Variants in PKP1 observed in about 807,000 individuals in gnomAD.
The protein encoded by PKP1 is plakophilin-1.
PKP1 carries 27 observed loss-of-function variants against 76.4 expected under a neutral mutation model. The observed-to-expected ratio is 0.35, with a 90% CI of 0.26 to 0.49. The LOEUF (loss-of-function observed/expected upper bound fraction) is 0.49. Among genes scored for constraint, PKP1 ranks in the 20% least tolerant of loss-of-function variants. The pLI, the probability that PKP1 is intolerant of heterozygous loss-of-function variation, is 0.99. For synonymous variants in PKP1, 404 were observed against 384.2 expected, an observed-to-expected ratio of 1.05 and a Z score of -0.60; for missense variants, 964 against 955.2, an observed-to-expected ratio of 1.01 and a Z score of -0.12.
intron 1 of PKP1, among the ~76,000 whole-genome samples, chr1:201,290,083 T>C (rs984389717): frequency 3.9e-5 from 6 of 152,104 alleles, no homozygotes; most frequent in Non-Finnish European, 8.8e-5. Context: ...GTTGCACCGA[T>C]GACACAAGAA....
chr1:201,300,003 C>G (rs1273938060), intron 2 of PKP1, among the ~76,000 whole-genome samples: 1 of 152,214 alleles, frequency 6.6e-6, no homozygotes, highest in East Asian at 1.9e-4. Context: ...GATCCTGCTC[C>G]AAGAGGGAGC....
intron 12 of PKP1, 133 bp from the exon 13 acceptor site, chr1:201,328,629 G>T (rs1571566841): frequency 5.0e-6 from 4 of 794,722 alleles, no homozygotes; most frequent in African/African-American, 1.7e-5. Context: ...TTTTCGCCCT[G>T]ACACATGTAC....
intron 1 of PKP1, among the ~76,000 whole-genome samples, chr1:201,290,431 C>G (rs756857674): frequency 2.0e-5 from 3 of 151,964 alleles, no homozygotes; most frequent in Non-Finnish European, 2.9e-5. Context: ...AAAGCAGATG[C>G]TTAGCTGGAG....
At chr1:201,320,405 C>T (rs961806610) in intron 7 of PKP1, 24 bp downstream of exon 7, 1 of 1,475,398 alleles carries the variant, frequency 6.8e-7, no homozygotes, top group Admixed American at 1.7e-5. Flanking sequence ...CTGGTGGCAC[C>T]CTGACCCCTA....
chr1:201,322,297 G>A (rs1053290079), intron 8 of PKP1, among the ~76,000 whole-genome samples, 164 bp downstream of exon 8: 1 of 152,194 alleles, frequency 6.6e-6, no homozygotes, highest in Admixed American at 6.5e-5. Context: ...CACTCTGGGA[G>A]CTGGGTAGAG....
chr1:201,293,793 G>T, intron 1 of PKP1, 149 bp from the exon 2 acceptor site: 1 of 693,784 alleles, frequency 1.4e-6, no homozygotes, highest in Non-Finnish European at 2.7e-6. Context: ...GATAGATGGA[G>T]ATGACATTCC....
At chr1:201,320,626 C>G (rs1656911442) in intron 7 of PKP1, among the ~76,000 whole-genome samples, 1 of 152,218 alleles carries the variant, frequency 6.6e-6, no homozygotes, top group Non-Finnish European at 1.5e-5. Flanking sequence ...CTCTCTGTTT[C>G]CCGGTTCACT....
At chr1:201,312,723 G>T (rs1406065817) in intron 2 of PKP1, among the ~76,000 whole-genome samples, 6 of 152,164 alleles carry the variant, frequency 3.9e-5, no homozygotes, top group African/African-American at 1.4e-4. Flanking sequence ...CTAGCATGGG[G>T]CTCTGATACT....
At chr1:201,325,907 T>C (rs1326837259) in intron 12 of PKP1, 69 bp downstream of exon 12, 5 of 1,171,534 alleles carry the variant, frequency 4.3e-6, no homozygotes, top group African/African-American at 1.5e-5. Context: ...TGGCATATGC[T>C]GGGCTCTGGG....
At position 201,313,192 on chromosome 1, in the gene PKP1, G is replaced by A; in HGVS notation, c.333G>A (p.Glu111=). The A allele has an allele frequency of 1.2e-6, 2 of 1,608,614 alleles. No homozygotes were observed. Among genetic ancestry groups the A allele is most frequent in the Non-Finnish European group, 1.7e-6 (2 of 1,177,956 alleles). Residue 111 remains glutamate, a synonymous_variant, in exon 3 of 14, where the codon GAG becomes GAA. Transcript: ENST00000367324. ...TCTACAATGGAACCCTCAAGCGGGA[G>A]CCTGACAACAGGCGCTTCAGCTCCT... ...YPIYNGTLKR[E]PDNRRFSSYS...
At position 201,313,406 on chromosome 1, in the gene PKP1, C is replaced by A. The variant is rs1057162135; in HGVS notation, c.547C>A (p.Arg183Ser). 11 of 1,587,656 alleles carry A rather than the reference C, an allele frequency of 6.9e-6. No individual in the cohort carries two copies. Among genetic ancestry groups the A allele is most frequent in the Non-Finnish European group, 8.6e-6 (10 of 1,166,932 alleles). ...GSKGQKTTQN[R>S]YSFYSTCSGQ... ...CAAGGGCCAGAAGACCACCCAGAAC[C>A]GCTACAGCTTTTACAGCACCTGCAG... The change falls in exon 3 of 14, where the codon CGC becomes AGC. Residue 183 changes from arginine to serine, a missense_variant. Transcript: ENST00000367324.
At position 201,283,534 on chromosome 1, in the gene PKP1, A is replaced by T; in HGVS notation, c.-169A>T. The T allele has an allele frequency of 1.5e-6, 1 of 683,354 alleles. No homozygotes were observed. The highest frequency in any genetic ancestry group is 2.6e-6 in the Non-Finnish European group (1 of 383,006). 42.3% of individuals were successfully genotyped at this position (683,354 alleles called of 1,614,324 possible). A position where few individuals can be genotyped will look rare whatever the true frequency, so the allele number is the denominator to read the frequency against. On this transcript the variant is annotated 5_prime_UTR_variant, in exon 1 of 14. Coordinates refer to ENST00000367324, the MANE Select transcript of PKP1 (RefSeq NM_001005337.3). ...GCCAGAGAGGGACGAACCAGGGTGG[A>T]AGCGCCAGGAGCAGCTGCAGGGAGC...
chr1:201,329,251 A>G (rs1657237943), intron 13 of PKP1, among the ~76,000 whole-genome samples: 1 of 152,100 alleles, frequency 6.6e-6, no homozygotes, highest in South Asian at 2.1e-4. Flanking sequence ...TCACTTTTTT[A>G]TCCTTTTATA....
At chr1:201,325,244 G>C in intron 11 of PKP1, 117 bp downstream of exon 11, 1 of 1,080,224 alleles carries the variant, frequency 9.3e-7, no homozygotes, top group Non-Finnish European at 1.4e-6. Context: ...AGGGCAGGGG[G>C]AGCCAGGGAC....
At chr1:201,323,420 A>C (rs113541704) in intron 9 of PKP1, among the ~76,000 whole-genome samples, 3 of 90,302 alleles carry the variant, frequency 3.3e-5, no homozygotes, top group African/African-American at 8.9e-5. Flanking sequence ...GATTCTGTCC[A>C]TGCACACACA....
chr1:201,302,092 C>T (rs549663460), intron 2 of PKP1, among the ~76,000 whole-genome samples: 2 of 152,326 alleles, frequency 1.3e-5, no homozygotes, highest in South Asian at 2.1e-4. Context: ...TGCTCCAACC[C>T]GCGGCACCTG....
At chr1:201,313,854 C>T (rs1478440191) in intron 3 of PKP1, among the ~76,000 whole-genome samples, 1 of 152,220 alleles carries the variant, frequency 6.6e-6, no homozygotes, top group Non-Finnish European at 1.5e-5. Context: ...GTGTGTTCCT[C>T]CAACCAGCAA....
intron 6 of PKP1, among the ~76,000 whole-genome samples, chr1:201,319,336 C>A (rs983817737): frequency 6.6e-6 from 1 of 152,086 alleles, no homozygotes; most frequent in South Asian, 2.1e-4. Flanking sequence ...TACAAGCTGG[C>A]GAAATGGGTG....
intron 9 of PKP1, 83 bp downstream of exon 9, chr1:201,323,272 G>C: frequency 2.9e-6 from 4 of 1,370,816 alleles, no homozygotes; most frequent in Non-Finnish European, 4.1e-6. Context: ...TTTCCCCCCA[G>C]CCTGTCCCCT....
Sources: allele counts gnomAD v4.1 joint callset (sites outside exome capture counted in the v4.1 genomes callset), GRCh38; gene constraint gnomAD v4.1.1; transcripts MANE v1.5; gene names NCBI Gene and HGNC (gene_info 2026-07-23, HGNC 2026-07-21).